PTPRK: variants seen among roughly 807,000 people sequenced by gnomAD.
PTPRK encodes receptor-type tyrosine-protein phosphatase kappa.
Under a neutral mutation model 178.0 loss-of-function variants are expected in PTPRK, and 75 were observed. That is an observed-to-expected ratio of 0.42 (90% CI 0.35 to 0.51). The LOEUF is 0.51. PTPRK is among the 20% of genes least tolerant of loss of function. PTPRK has a pLI of 0.02. For synonymous variants in PTPRK, 637 were observed against 620.6 expected, an observed-to-expected ratio of 1.03 and a Z score of -0.39; for missense variants, 1,441 against 1,797.8, an observed-to-expected ratio of 0.80 and a Z score of 3.59.
At chr6:128,203,890 T>G (rs1178063819) in intron 6 of PTPRK, among the ~76,000 whole-genome samples, 2 of 152,072 alleles carry the variant, frequency 1.3e-5, no homozygotes, top group African/African-American at 4.8e-5. Flanking sequence ...ATTAGACTAC[T>G]ATTGATGTTC....
intron 1 of PTPRK, among the ~76,000 whole-genome samples, chr6:128,436,761 T>C (rs896913256): frequency 6.6e-6 from 1 of 152,164 alleles, no homozygotes; most frequent in Non-Finnish European, 1.5e-5. Flanking sequence ...CTGTGACTGA[T>C]AAGATTTTGC....
At chr6:128,295,020 C>T (rs1251822384) in intron 3 of PTPRK, among the ~76,000 whole-genome samples, 1 of 151,946 alleles carries the variant, frequency 6.6e-6, no homozygotes, top group Non-Finnish European at 1.5e-5. Context: ...TAAACAGATA[C>T]ATAATTGTAC....
intron 3 of PTPRK, among the ~76,000 whole-genome samples, chr6:128,309,596 C>A (rs1826936032): frequency 6.6e-6 from 1 of 152,156 alleles, no homozygotes; most frequent in South Asian, 2.1e-4. Context: ...TCTGTTACCT[C>A]AGCAGCTGAA....
intron 7 of PTPRK, among the ~76,000 whole-genome samples, chr6:128,165,386 C>T (rs1270505361): frequency 6.6e-6 from 1 of 151,190 alleles, no homozygotes; most frequent in Non-Finnish European, 1.5e-5. Flanking sequence ...CTGAATTTCA[C>T]CAAAAGTTAA....
intron 1 of PTPRK, among the ~76,000 whole-genome samples, chr6:128,480,240 C>A (rs576196584): frequency 2.5e-4 from 38 of 152,236 alleles, no homozygotes; most frequent in South Asian, 2.5e-3. Flanking sequence ...TCCCCTTTCG[C>A]GCTTGTTCTT....
rs375248533 is a variant in PTPRK at position 127,973,148 on chromosome 6, G to A, written c.4143C>T (p.Gly1381=). 22 of 1,612,862 alleles carry A rather than the reference G, an allele frequency of 1.4e-5. No homozygotes were observed. The highest frequency in any genetic ancestry group is 1.7e-5 in the Non-Finnish European group (20 of 1,179,406). ...GRTIIHCLNG[G]GRSGMFCAIG... Reference sequence around the variant, plus strand: ...TAGCACAGAACATGCCACTTCGCCCGCCACCATTTCTGAAAGCAAAGAAAG... The same window carrying A: ...TAGCACAGAACATGCCACTTCGCCCACCACCATTTCTGAAAGCAAAGAAAG... The change falls in exon 29 of 30, where the codon GGC becomes GGT. Residue 1381 remains glycine, a synonymous_variant. Transcript: ENST00000368226.
intron 7 of PTPRK, among the ~76,000 whole-genome samples, chr6:128,139,890 T>TC (rs2114504440): frequency 6.6e-6 from 1 of 151,728 alleles, no homozygotes; most frequent in East Asian, 1.9e-4. Flanking sequence ...TAGCAACATT[T>TC]TTTTTTAATC....
chr6:128,461,402 G>T (rs1400595520), intron 1 of PTPRK, among the ~76,000 whole-genome samples: 1 of 152,034 alleles, frequency 6.6e-6, no homozygotes, highest in Non-Finnish European at 1.5e-5. Flanking sequence ...GGGAAAAACT[G>T]CATTAAAATA....
At chr6:128,438,872 G>A (rs1845940908) in intron 1 of PTPRK, among the ~76,000 whole-genome samples, 1 of 151,974 alleles carries the variant, frequency 6.6e-6, no homozygotes, top group Non-Finnish European at 1.5e-5. Flanking sequence ...ACTTCCAATA[G>A]TTGCATCAAC....
At chr6:128,029,638 AAATAATAATAATAATAATAAT>A (rs55955361) in intron 13 of PTPRK, among the ~76,000 whole-genome samples, 86 of 137,044 alleles carry the variant, frequency 6.3e-4, no homozygotes, top group African/African-American at 2.1e-3. Flanking sequence ...TTCCATCTCA[AAATAATAATAATAATAATAAT>A]AATAATAATA....
At chr6:128,477,741 T>C (rs1851549177) in intron 1 of PTPRK, among the ~76,000 whole-genome samples, 1 of 152,100 alleles carries the variant, frequency 6.6e-6, no homozygotes, top group African/African-American at 2.4e-5. Context: ...ATTAAAAAAA[T>C]GTAGAGAGAA....
chr6:128,398,318 G>C (rs939410318), intron 1 of PTPRK, among the ~76,000 whole-genome samples: 1 of 152,158 alleles, frequency 6.6e-6, no homozygotes, highest in Admixed American at 6.5e-5. Flanking sequence ...TCACCACTCA[G>C]AAAACAAGGA....
intron 2 of PTPRK, among the ~76,000 whole-genome samples, chr6:128,333,121 A>G (rs535755693): frequency 6.6e-5 from 10 of 152,324 alleles, no homozygotes; most frequent in East Asian, 1.9e-4. Context: ...TTTTGTAATC[A>G]TCACTCACCT....
At chr6:128,173,173 A>G (rs933027636) in intron 7 of PTPRK, among the ~76,000 whole-genome samples, 2 of 152,046 alleles carry the variant, frequency 1.3e-5, no homozygotes, top group Non-Finnish European at 2.9e-5. Flanking sequence ...ATTAAAATGC[A>G]GCTACAGAAA....
chr6:128,149,934 G>A (rs1797026525), intron 7 of PTPRK, among the ~76,000 whole-genome samples: 1 of 152,116 alleles, frequency 6.6e-6, no homozygotes, highest in African/African-American at 2.4e-5. Flanking sequence ...GGGGAACAGT[G>A]TTCTGAGAGT....
intron 6 of PTPRK, among the ~76,000 whole-genome samples, chr6:128,205,475 C>A (rs993687337): frequency 6.6e-6 from 1 of 151,912 alleles, no homozygotes; most frequent in Non-Finnish European, 1.5e-5. Context: ...AAAGGCCAGG[C>A]GTGGTGGCTC....
intron 7 of PTPRK, among the ~76,000 whole-genome samples, chr6:128,131,701 G>T (rs1176698674): frequency 6.6e-6 from 1 of 152,026 alleles, no homozygotes; most frequent in Non-Finnish European, 1.5e-5. Flanking sequence ...AATTAACGAG[G>T]CTCAGTTTTA....
intron 3 of PTPRK, among the ~76,000 whole-genome samples, chr6:128,290,043 A>C (rs1161507119): frequency 6.6e-6 from 1 of 152,100 alleles, no homozygotes; most frequent in African/African-American, 2.4e-5. Flanking sequence ...CAATTTTCAA[A>C]ACTGAAAAAT....
chr6:128,315,230 G>A (rs72969063), intron 3 of PTPRK, among the ~76,000 whole-genome samples: 12,190 of 152,080 alleles, frequency 0.08, 565 homozygotes, highest in African/African-American at 0.12. Flanking sequence ...AGGATCTAAA[G>A]ATATTTAAGC....
Sources: gnomAD v4.1 joint callset for allele counts (sites outside exome capture counted in the v4.1 genomes callset) on GRCh38, gnomAD v4.1.1 for gene constraint, MANE v1.5 for transcripts, NCBI Gene and HGNC (gene_info 2026-07-23, HGNC 2026-07-21) for gene names.